Variants in DCDC1 observed in about 807,000 individuals in gnomAD.
The protein encoded by DCDC1 is doublecortin domain-containing protein 1.
Under a neutral mutation model 178.3 loss-of-function variants are expected in DCDC1, and 200 were observed. The observed-to-expected ratio is 1.12, with a 90% confidence interval of 1.00 to 1.26. The LOEUF is 1.26. DCDC1 is among the 50% of genes most tolerant of loss of function. The pLI is 0.00. For missense variants in DCDC1, 1,983 were observed against 1,749.2 expected (o/e 1.13, Z -2.38); for synonymous variants, 690 against 604.8 (o/e 1.14, Z -2.07).
chr11:31,340,011 GTC>G (rs150353862), intron 1 of DCDC1, among the ~76,000 whole-genome samples: 3,109 of 152,122 alleles, frequency 0.02, 95 homozygotes, highest in African/African-American at 0.07. Flanking sequence ...GCATCAAAAA[GTC>G]TCTGTTTTTA....
chr11:31,171,513 C>T (rs999993994), intron 9 of DCDC1, among the ~76,000 whole-genome samples: 1 of 152,210 alleles, frequency 6.6e-6, no homozygotes, highest in African/African-American at 2.4e-5. Context: ...CATATCTCTT[C>T]ACTCACTCAA....
chr11:30,922,878 A>G (rs749212767), intron 23 of DCDC1, among the ~76,000 whole-genome samples: 2 of 152,202 alleles, frequency 1.3e-5, no homozygotes, highest in Non-Finnish European at 2.9e-5. Flanking sequence ...GTATATTACC[A>G]TATTATTTTT....
intron 9 of DCDC1, among the ~76,000 whole-genome samples, chr11:31,175,007 C>T (rs990971282): frequency 1.7e-4 from 26 of 152,184 alleles, no homozygotes; most frequent in African/African-American, 6.0e-4. Flanking sequence ...TGAAACATGC[C>T]ACTTGCTCAC....
chr11:30,898,784 T>C (rs1176795253), intron 34 of DCDC1, among the ~76,000 whole-genome samples: 3 of 152,196 alleles, frequency 2.0e-5, no homozygotes, highest in African/African-American at 7.2e-5. Flanking sequence ...AGTTCTGCTA[T>C]TTATTGAAGC....
intron 1 of DCDC1, among the ~76,000 whole-genome samples, chr11:31,339,196 T>C (rs1194773637): frequency 6.6e-6 from 1 of 152,296 alleles, no homozygotes; most frequent in South Asian, 2.1e-4. Flanking sequence ...GTTGGAATGT[T>C]TGTGGCCACC....
intron 20 of DCDC1, among the ~76,000 whole-genome samples, chr11:30,954,871 T>C (rs1294152384): frequency 1.3e-5 from 2 of 152,218 alleles, no homozygotes; most frequent in African/African-American, 4.8e-5. Context: ...ATTCATTATC[T>C]GAGCAATGCT....
intron 20 of DCDC1, among the ~76,000 whole-genome samples, chr11:31,002,794 C>T (rs1951645093): frequency 6.6e-6 from 1 of 152,012 alleles, no homozygotes; most frequent in Non-Finnish European, 1.5e-5. Flanking sequence ...TGACCAAACA[C>T]TCTCATCAAA....
chr11:30,942,514 C>G (rs1193921545), intron 21 of DCDC1, among the ~76,000 whole-genome samples: 1 of 152,112 alleles, frequency 6.6e-6, no homozygotes, highest in Non-Finnish European at 1.5e-5. Context: ...CAGGGAAAGG[C>G]AAAAGAAACA....
intron 20 of DCDC1, among the ~76,000 whole-genome samples, chr11:31,026,699 G>A (rs1453588930): frequency 6.6e-6 from 1 of 151,758 alleles, no homozygotes; most frequent in Non-Finnish European, 1.5e-5. Flanking sequence ...ACTACTGGTA[G>A]AGTTTTAGAG....
chr11:30,902,832 A>G (rs1287748227), intron 32 of DCDC1, among the ~76,000 whole-genome samples: 2 of 152,146 alleles, frequency 1.3e-5, no homozygotes, highest in African/African-American at 4.8e-5. Context: ...TACTACCAAG[A>G]CTTGCTTTTA....
intron 7 of DCDC1, among the ~76,000 whole-genome samples, chr11:31,274,277 G>C (rs1044509552): frequency 6.6e-6 from 1 of 152,054 alleles, no homozygotes; most frequent in African/African-American, 2.4e-5. Context: ...CTCCCAAATT[G>C]ATATGTTTCT....
chr11:31,264,575 T>C (rs1035061197), intron 8 of DCDC1, among the ~76,000 whole-genome samples: 2 of 152,188 alleles, frequency 1.3e-5, no homozygotes, highest in Non-Finnish European at 2.9e-5. Flanking sequence ...AACTTCTCTG[T>C]ACCTCAGTTA....
intron 20 of DCDC1, among the ~76,000 whole-genome samples, chr11:31,014,430 C>T (rs948253030): frequency 3.3e-5 from 5 of 152,098 alleles, no homozygotes; most frequent in African/African-American, 9.7e-5. Flanking sequence ...CAGCCCCACT[C>T]AAGCATTCAG....
chr11:31,094,285 CTGAT>C (rs1224216406), intron 15 of DCDC1, 101 bp from the exon 16 acceptor site: 21 of 667,698 alleles, frequency 3.1e-5, no homozygotes, highest in Admixed American at 1.6e-4. Context: ...ATTATTTATT[CTGAT>C]TGATACCTCT....
At chr11:31,240,159 A>G (rs2136882189) in intron 9 of DCDC1, among the ~76,000 whole-genome samples, 1 of 152,144 alleles carries the variant, frequency 6.6e-6, no homozygotes, top group African/African-American at 2.4e-5. Context: ...TAATGCAATT[A>G]ATCATGATCC....
intron 7 of DCDC1, among the ~76,000 whole-genome samples, chr11:31,287,343 T>G (rs538142016): frequency 6.6e-6 from 1 of 151,722 alleles, no homozygotes; most frequent in Non-Finnish European, 1.5e-5. Flanking sequence ...GATAAGAAAA[T>G]TAGAAGTTCA....
chr11:30,937,928 T>C (rs1318764483), intron 21 of DCDC1, among the ~76,000 whole-genome samples: 1 of 152,034 alleles, frequency 6.6e-6, no homozygotes, highest in Non-Finnish European at 1.5e-5. Context: ...GGCAACCCAC[T>C]ACTCCTCAAG....
At chr11:31,089,074 C>T (rs1957644448) in intron 17 of DCDC1, among the ~76,000 whole-genome samples, 1 of 152,168 alleles carries the variant, frequency 6.6e-6, no homozygotes, top group Non-Finnish European at 1.5e-5. Flanking sequence ...CATTTTACTT[C>T]TGTCTGAAGG....
intron 7 of DCDC1, among the ~76,000 whole-genome samples, chr11:31,278,545 A>C (rs538050293): frequency 3.3e-5 from 5 of 152,266 alleles, no homozygotes; most frequent in South Asian, 4.1e-4. Flanking sequence ...TATTGGCTAA[A>C]GTACACAAAA....
Sources: gnomAD v4.1 joint callset for allele counts (sites outside exome capture counted in the v4.1 genomes callset) on GRCh38, gnomAD v4.1.1 for gene constraint, MANE v1.5 for transcripts, NCBI Gene and HGNC (gene_info 2026-07-23, HGNC 2026-07-21) for gene names.